WDR88: variants seen among roughly 807,000 people sequenced by gnomAD.
WDR88 encodes WD repeat domain 88.
WDR88 carries 40 observed loss-of-function variants against 46.8 expected under a neutral mutation model. The ratio of observed to expected loss-of-function variants is 0.86; its 90% CI spans 0.66 to 1.11. The LOEUF is 1.11. WDR88 is among the 50% of genes most tolerant of loss of function. The probability of loss-of-function intolerance (pLI) is 0.00; values close to 1 mark genes in which losing one functional copy is unlikely to be tolerated. For missense variants in WDR88, 562 were observed against 602.4 expected, an observed-to-expected ratio of 0.93 and a Z score of 0.70; for synonymous variants, 235 against 240.7, an observed-to-expected ratio of 0.98 and a Z score of 0.22.
chr19:33,133,196 T>G (rs9749070), intron 1 of WDR88, among the ~76,000 whole-genome samples: 10,966 of 61,778 alleles, frequency 0.18, 760 homozygotes, highest in Admixed American at 0.36. Context: ...AATAAATAAA[T>G]ATAGAGAGAG....
intron 1 of WDR88, among the ~76,000 whole-genome samples, chr19:33,135,755 G>A (rs965776816): frequency 2.6e-5 from 4 of 152,186 alleles, no homozygotes; most frequent in African/African-American, 2.4e-5. Flanking sequence ...ACTACTTTAC[G>A]TTCCTACCAG....
intron 7 of WDR88, among the ~76,000 whole-genome samples, chr19:33,157,885 A>G (rs750564456): frequency 1.1e-4 from 17 of 151,530 alleles, no homozygotes; most frequent in Non-Finnish European, 2.2e-4. Context: ...ACACATGTCC[A>G]TCTCTTAATG....
intron 3 of WDR88, among the ~76,000 whole-genome samples, chr19:33,147,334 G>T (rs1973539182): frequency 6.6e-6 from 1 of 152,110 alleles, no homozygotes; most frequent in Non-Finnish European, 1.5e-5. Flanking sequence ...CAGGCGCGGT[G>T]GTTCACGCCT....
rs529290113 is a variant in WDR88 at position 33,132,300 on chromosome 19, G to A, written c.131G>A (p.Arg44His). 1.2e-6 allele frequency: 2 copies of A among 1,613,778 alleles called. No homozygotes were observed. The highest frequency in any genetic ancestry group is 1.3e-5 in the African/African-American group (1 of 75,056). ...SWGTMARALG[R>H]FKLSIPHTHL... The stretch of plus-strand genomic sequence containing the variant: ...GGGACCATGGCGAGGGCCTTAGGCC[G>A]CTTCAAGCTGTCGATCCCGCACACG... The change falls in exon 1 of 11, where the codon CGC becomes CAC. Residue 44 changes from arginine to histidine, a missense_variant. Transcript: ENST00000355868.
At chr19:33,158,897 G>T (rs1255617138) in intron 7 of WDR88, among the ~76,000 whole-genome samples, 3 of 151,896 alleles carry the variant, frequency 2.0e-5, no homozygotes, top group Admixed American at 6.6e-5. Flanking sequence ...ATGGGGTTTC[G>T]CCATGTTGTC....
At chr19:33,141,682 G>A (rs1973397880) in intron 2 of WDR88, among the ~76,000 whole-genome samples, 1 of 152,028 alleles carries the variant, frequency 6.6e-6, no homozygotes, top group South Asian at 2.1e-4. Flanking sequence ...AGGGTTTTTT[G>A]TTTGTTTGTT....
At chr19:33,149,453 A>G (rs1568363970) in intron 5 of WDR88, among the ~76,000 whole-genome samples, 1 of 152,148 alleles carries the variant, frequency 6.6e-6, no homozygotes, top group Non-Finnish European at 1.5e-5. Flanking sequence ...TTCGGCTCCA[A>G]CCTCATGTGG....
intron 2 of WDR88, among the ~76,000 whole-genome samples, chr19:33,140,768 C>T (rs1412523260): frequency 6.6e-6 from 1 of 150,424 alleles, no homozygotes; most frequent in Non-Finnish European, 1.5e-5. Flanking sequence ...CCAGCCTGGG[C>T]GACGGTGGGA....
intron 8 of WDR88, among the ~76,000 whole-genome samples, chr19:33,163,641 CTTTTT>C (rs557195235): frequency 7.1e-6 from 1 of 140,030 alleles, no homozygotes; most frequent in Admixed American, 7.2e-5. Context: ...CTGCTCTTTC[CTTTTT>C]TTTTTTTTTT....
chr19:33,148,727 C>T (rs1460982773), intron 4 of WDR88, 45 bp from the exon 5 acceptor site: 1 of 1,612,624 alleles, frequency 6.2e-7, no homozygotes, highest in Admixed American at 1.7e-5. Flanking sequence ...GTGTAACACA[C>T]CACACCTGGC....
chr19:33,133,844 C>A lies in WDR88; in HGVS notation c.276+1399C>A, dbSNP rs1050058071. ...CTCTTGGGGAGGCCCTCCCTGACCG[C>A]CCGTCTAAAGTAGCCAGGGCCACTG... On this transcript the variant is annotated intron_variant, in intron 1 of 10. Coordinates refer to ENST00000355868, the MANE Select transcript of WDR88 (RefSeq NM_173479.4). Among the ~76,000 whole-genome samples the A allele has an allele frequency of 2.0e-5, 3 of 152,204 alleles. No individual in the cohort carries two copies. The East Asian group carries it at 5.8e-4, about 29-fold the overall frequency.
At chr19:33,162,992 G>A (rs1973894194) in intron 8 of WDR88, among the ~76,000 whole-genome samples, 1 of 152,132 alleles carries the variant, frequency 6.6e-6, no homozygotes, top group Non-Finnish European at 1.5e-5. Flanking sequence ...GAGGTCAGGA[G>A]TTCGAGACCA....
intron 9 of WDR88, 152 bp downstream of exon 9, chr19:33,164,417 G>A (rs1019063840): frequency 1.4e-6 from 1 of 701,492 alleles, no homozygotes; most frequent in Non-Finnish European, 2.6e-6. Flanking sequence ...AATGTGGACA[G>A]CATGTCCTTC....
chr19:33,154,359 T>G (rs945705269), intron 6 of WDR88, among the ~76,000 whole-genome samples: 1 of 152,172 alleles, frequency 6.6e-6, no homozygotes, highest in Non-Finnish European at 1.5e-5. Flanking sequence ...TTTGCCCTAA[T>G]GCTCTCCCTC....
At chr19:33,170,290 G>C (rs761914874) in intron 9 of WDR88, among the ~76,000 whole-genome samples, 1 of 152,048 alleles carries the variant, frequency 6.6e-6, no homozygotes, top group Non-Finnish European at 1.5e-5. Context: ...CGATCCTCCC[G>C]CCTTAGCCTC....
chr19:33,170,498 A>G (rs535265632), intron 9 of WDR88, among the ~76,000 whole-genome samples: 5 of 151,842 alleles, frequency 3.3e-5, no homozygotes, highest in African/African-American at 1.2e-4. Context: ...CATCTTTTCT[A>G]TGGTCAGAAA....
intron 6 of WDR88, 85 bp from the exon 7 acceptor site, chr19:33,156,270 G>A: frequency 7.0e-7 from 1 of 1,423,914 alleles, no homozygotes; most frequent in South Asian, 1.3e-5. Context: ...GAGCTCACAG[G>A]AGAAAATACC....
At position 33,175,627 on chromosome 19, in the gene WDR88, C is replaced by T. The variant is rs150273181; in HGVS notation, c.*55C>T. 195 of 1,602,078 alleles carry T rather than the reference C, an allele frequency of 1.2e-4. No individual in the cohort carries two copies. The highest frequency in any genetic ancestry group is 1.6e-4 in the Non-Finnish European group (183 of 1,173,088). ...CACAGGCTACCTAGCATGTAGGTTT[C>T]GGGGCTTTGCAGGGGCTTTCTCTTG... On this transcript the variant is annotated 3_prime_UTR_variant, in exon 11 of 11. Coordinates refer to ENST00000355868, the MANE Select transcript of WDR88 (RefSeq NM_173479.4).
Position 33,169,850 on chromosome 19 carries a change from A to G in WDR88, c.1150-2498A>G, listed in dbSNP as rs192700092. On this transcript the variant is annotated intron_variant, in intron 9 of 10. Transcript: ENST00000355868. Reference sequence around the variant, plus strand: ...TAAATTCACGGTATAGGCTATATCTATCTAAAATGTGCATTATTTATTTAT... The same window carrying G: ...TAAATTCACGGTATAGGCTATATCTGTCTAAAATGTGCATTATTTATTTAT... 6.6e-5 allele frequency among the ~76,000 whole-genome samples: 10 copies of G among 152,256 alleles called. No individual in the cohort carries two copies. In the East Asian group the frequency reaches 1.9e-3, roughly 29 times the overall value.
Sources: allele counts gnomAD v4.1 joint callset (sites outside exome capture counted in the v4.1 genomes callset), GRCh38; gene constraint gnomAD v4.1.1; transcripts MANE v1.5; gene names NCBI Gene and HGNC (gene_info 2026-07-23, HGNC 2026-07-21).